RABGEF1: variants seen among roughly 807,000 people sequenced by gnomAD.
RABGEF1 encodes the protein rab5 GDP/GTP exchange factor.
RABGEF1 carries 26 observed loss-of-function variants against 57.3 expected under a neutral mutation model. That is an observed-to-expected ratio of 0.45 (90% CI 0.33 to 0.63). The LOEUF (loss-of-function observed/expected upper bound fraction) is 0.63. Among genes scored for constraint, RABGEF1 ranks in the 20% least tolerant of loss-of-function variants. The probability of loss-of-function intolerance (pLI) is 0.02; values close to 1 mark genes in which losing one functional copy is unlikely to be tolerated. For synonymous variants in RABGEF1, 185 were observed against 210.7 expected (o/e 0.88, Z 1.06); for missense variants, 464 against 607.6 (o/e 0.76, Z 2.48).
At position 66,743,648 on chromosome 7, in the gene RABGEF1, C is replaced by T. The variant is rs572211160; in HGVS notation, c.-18+2856C>T. 3.3e-5 allele frequency among the ~76,000 whole-genome samples: 5 copies of T among 152,236 alleles called. No individual in the cohort carries two copies. The East Asian group carries it at 7.7e-4, about 24-fold the overall frequency. On this transcript the variant is annotated intron_variant, in intron 1 of 8. Transcript: ENST00000284957. ...TCCTGAATAGCTGGGACTACAGATG[C>T]CCGCCACCATGCCTGGCTAATTTTT...
chr7:66,657,009 A>C, the RABGEF1 span, among the ~76,000 whole-genome samples: 2 of 152,146 alleles, frequency 1.3e-5, no homozygotes, highest in South Asian at 2.1e-4. Context: ...AAACATATGA[A>C]GTAAAAAAGG....
chr7:66,719,617 CAT>C (rs1442828290), intron 2 of RABGEF1, among the ~76,000 whole-genome samples: 1 of 152,060 alleles, frequency 6.6e-6, no homozygotes, highest in African/African-American at 2.4e-5. Context: ...TTTTAGAAAA[CAT>C]AGAAGACAAT....
intron 7 of RABGEF1, among the ~76,000 whole-genome samples, chr7:66,804,055 T>TAA (rs1787889280): frequency 6.6e-6 from 1 of 152,054 alleles, no homozygotes; most frequent in African/African-American, 2.4e-5. Flanking sequence ...TGGCCACTGT[T>TAA]GAACTAAGTG....
chr7:66,769,129 C>G (rs1806457653), intron 1 of RABGEF1: 1 of 152,368 alleles, frequency 6.6e-6, no homozygotes, highest in Non-Finnish European at 1.5e-5. Flanking sequence ...GGGCCCATTT[C>G]CAGGTTGGCT....
intron 1 of RABGEF1, among the ~76,000 whole-genome samples, chr7:66,686,155 C>T (rs1411277101): frequency 2.6e-5 from 4 of 152,030 alleles, no homozygotes; most frequent in Non-Finnish European, 5.9e-5. Flanking sequence ...GTGGTGTGTG[C>T]CTGTGATCTC....
chr7:66,675,450 A>G, the RABGEF1 span, among the ~76,000 whole-genome samples: 4 of 151,850 alleles, frequency 2.6e-5, no homozygotes, highest in Admixed American at 2.0e-4. Context: ...AAACAAACAA[A>G]AAAAACCCCA....
intron 2 of RABGEF1, among the ~76,000 whole-genome samples, chr7:66,719,586 T>A (rs1795779860): frequency 6.6e-6 from 1 of 151,676 alleles, no homozygotes; most frequent in South Asian, 2.1e-4. Context: ...AAGGAGGGAG[T>A]AATATGAATC....
chr7:66,694,885 G>T (rs1191593666), intron 1 of RABGEF1, among the ~76,000 whole-genome samples: 4 of 152,200 alleles, frequency 2.6e-5, no homozygotes, highest in African/African-American at 9.6e-5. Flanking sequence ...AGGGGTGTGT[G>T]GGCCTGTGGG....
chr7:66,796,968 T>C (rs1786096894), intron 5 of RABGEF1: 1 of 419,358 alleles, frequency 2.4e-6, no homozygotes, highest in East Asian at 7.1e-5. Flanking sequence ...AATTTATTTC[T>C]AGTAAATTAG....
chr7:66,773,379 C>T (rs979449096), intron 2 of RABGEF1, among the ~76,000 whole-genome samples: 2 of 152,192 alleles, frequency 1.3e-5, no homozygotes, highest in African/African-American at 4.8e-5. Context: ...AACTTCTTGT[C>T]TGTCCCAGAG....
At chr7:66,698,703 T>C (rs1322330525) in intron 1 of RABGEF1, among the ~76,000 whole-genome samples, 1 of 152,118 alleles carries the variant, frequency 6.6e-6, no homozygotes, top group Non-Finnish European at 1.5e-5. Flanking sequence ...TCCAAGGTGC[T>C]GTCCCCAAGC....
At chr7:66,782,288 T>A (rs901832715) in intron 3 of RABGEF1, among the ~76,000 whole-genome samples, 3 of 152,190 alleles carry the variant, frequency 2.0e-5, no homozygotes, top group African/African-American at 7.2e-5. Flanking sequence ...CTTTCTAGTT[T>A]GTCTCTTGCC....
chr7:66,771,944 G>A lies in RABGEF1; in HGVS notation c.45G>A (p.Ser15=), dbSNP rs373227532. Reference sequence around the variant, plus strand: ...GCCGAGGAATTCATGTGGATCAATCGGATCTCCTGTGCAAGAAAGGATGTG... The same window carrying A: ...GCCGAGGAATTCATGTGGATCAATCAGATCTCCTGTGCAAGAAAGGATGTG... ...SERRGIHVDQ[S]DLLCKKGCGY... is the part of the protein sequence containing the mutation. Residue 15 remains serine, a synonymous_variant, in exon 2 of 9, where the codon TCG becomes TCA. Coordinates refer to ENST00000284957, the MANE Select transcript of RABGEF1 (RefSeq NM_014504.3). 1.1e-5 allele frequency: 18 copies of A among 1,582,092 alleles called. No homozygotes were observed. The African/African-American group carries it at 1.2e-4, about 11-fold the overall frequency.
intron 2 of RABGEF1, among the ~76,000 whole-genome samples, chr7:66,715,844 C>G (rs1308619082): frequency 6.6e-6 from 1 of 152,122 alleles, no homozygotes; most frequent in African/African-American, 2.4e-5. Context: ...GTCTCCAACT[C>G]CTGGGTTCAG....
intron 1 of RABGEF1, among the ~76,000 whole-genome samples, chr7:66,705,443 A>AAGAG (rs57856916): frequency 0.042 from 2,715 of 65,348 alleles, 101 homozygotes; most frequent in African/African-American, 0.077. Context: ...TCTCGAAAGA[A>AAGAG]AGAGAGAGAG....
At chr7:66,681,590 TG>T (rs66523616), upstream of RABGEF1, among the ~76,000 whole-genome samples, 136,275 of 151,944 alleles carry the variant, frequency 0.9, 61,291 homozygotes, top group African/African-American at 0.94. Flanking sequence ...TTTGTAGAGA[TG>T]GGGGCTCTCC....
chr7:66,730,506 G>C (rs1375254007), intron 2 of RABGEF1, among the ~76,000 whole-genome samples: 1 of 151,692 alleles, frequency 6.6e-6, no homozygotes, highest in Non-Finnish European at 1.5e-5. Flanking sequence ...AAGGGGTAGA[G>C]TCTATGCAGA....
chr7:66,667,186 G>A, the RABGEF1 span, among the ~76,000 whole-genome samples: 23 of 152,334 alleles, frequency 1.5e-4, no homozygotes, highest in South Asian at 1.2e-3. Context: ...ACCTGAGCCC[G>A]GGGATCAGGA....
rs1013226631 is a variant in RABGEF1 at position 66,803,453 on chromosome 7, C to T, written c.821-1687C>T. On this transcript the variant is annotated intron_variant, in intron 7 of 8. Transcript: ENST00000284957. ...TTTTGTGATGTCCCAAGTTGCTGGC[C>T]GATGTGCAACCCCAGAGGTACGCTG... 1.2e-4 allele frequency among the ~76,000 whole-genome samples: 19 copies of T among 152,212 alleles called. 1 individual carries two copies. Among genetic ancestry groups the T allele is most frequent in the Admixed American group, 9.8e-4 (15 of 15,280 alleles).
Sources: gnomAD v4.1 joint callset for allele counts (sites outside exome capture counted in the v4.1 genomes callset) on GRCh38, gnomAD v4.1.1 for gene constraint, MANE v1.5 for transcripts, NCBI Gene and HGNC (gene_info 2026-07-23, HGNC 2026-07-21) for gene names.